RASAL2: variants seen among roughly 807,000 people sequenced by gnomAD.
RASAL2 encodes RAS protein activator like 2, also known as ras GTPase-activating protein nGAP.
A neutral mutation model predicts 128.9 loss-of-function variants in RASAL2; 58 were observed. The ratio of observed to expected loss-of-function variants is 0.45; its 90% confidence interval spans 0.36 to 0.56. The LOEUF (loss-of-function observed/expected upper bound fraction) is 0.56. Ranked by LOEUF, RASAL2 falls within the 20% of genes least tolerant of loss-of-function variation. The probability of loss-of-function intolerance (pLI) is 0.00; values close to 1 mark genes in which losing one functional copy is unlikely to be tolerated. For missense variants in RASAL2, 1,360 were observed against 1,601.6 expected, an observed-to-expected ratio of 0.85 and a Z score of 2.57; for synonymous variants, 561 against 580.8, an observed-to-expected ratio of 0.97 and a Z score of 0.49.
chr1:178,234,734 T>C (rs1376602536), intron 1 of RASAL2, among the ~76,000 whole-genome samples: 1 of 152,176 alleles, frequency 6.6e-6, no homozygotes, highest in Non-Finnish European at 1.5e-5. Context: ...GAGAAGCTCT[T>C]ACCATTAAGA....
intron 1 of RASAL2, among the ~76,000 whole-genome samples, chr1:178,155,970 A>G (rs1661071377): frequency 6.6e-6 from 1 of 152,162 alleles, no homozygotes; most frequent in Admixed American, 6.5e-5. Context: ...TCTTCCCCCG[A>G]CAACCCCAAA....
At chr1:178,367,821 C>G (rs1027860946) in intron 3 of RASAL2, among the ~76,000 whole-genome samples, 3 of 151,974 alleles carry the variant, frequency 2.0e-5, no homozygotes, top group Non-Finnish European at 4.4e-5. Flanking sequence ...GTTATTTGAC[C>G]CAGGCAGATA....
At chr1:178,437,648 C>G (rs1676339963) in intron 5 of RASAL2, among the ~76,000 whole-genome samples, 1 of 152,070 alleles carries the variant, frequency 6.6e-6, no homozygotes, top group Non-Finnish European at 1.5e-5. Context: ...GCAACTCCTC[C>G]TGGGAAAAAT....
Position 178,414,308 on chromosome 1 carries a change from G to C in RASAL2, c.565-6203G>C, listed in dbSNP as rs563223751. On this transcript the variant is annotated intron_variant, in intron 4 of 17. Coordinates refer to ENST00000367649, the MANE Select transcript of RASAL2 (RefSeq NM_170692.4). ...TTTGCCAGGGGTTGGAGTGTGGGAG[G>C]TACTGAGGGATGAATAGGCAGAGCA... 3.3e-5 allele frequency among the ~76,000 whole-genome samples: 5 copies of C among 152,262 alleles called. No individual in the cohort carries two copies. In the East Asian group the frequency reaches 9.6e-4, roughly 29 times the overall value.
intron 1 of RASAL2, among the ~76,000 whole-genome samples, chr1:178,186,060 T>G (rs913176988): frequency 6.6e-6 from 1 of 152,136 alleles, no homozygotes; most frequent in African/African-American, 2.4e-5. Context: ...ATATCATTAA[T>G]AAATATAGAG....
intron 5 of RASAL2, among the ~76,000 whole-genome samples, chr1:178,429,446 C>T (rs1675742407): frequency 6.6e-6 from 1 of 152,126 alleles, no homozygotes; most frequent in Admixed American, 6.6e-5. Flanking sequence ...TTCCCATTCT[C>T]CATTCTCTGA....
chr1:178,447,673 T>TA (rs60358768), intron 9 of RASAL2, among the ~76,000 whole-genome samples: 566 of 56,012 alleles, frequency 0.01, 47 homozygotes, highest in East Asian at 0.023. Context: ...CTCCTTCTCT[T>TA]AAAAAAAAAA....
intron 1 of RASAL2, among the ~76,000 whole-genome samples, chr1:178,256,864 G>C (rs1665373025): frequency 1.3e-5 from 2 of 151,988 alleles, no homozygotes; most frequent in Non-Finnish European, 2.9e-5. Context: ...AGTAGAGATG[G>C]GGTTTCACCG....
intron 1 of RASAL2, among the ~76,000 whole-genome samples, chr1:178,112,475 G>A (rs1182441952): frequency 4.0e-5 from 6 of 151,866 alleles, no homozygotes; most frequent in Non-Finnish European, 7.4e-5. Context: ...GCTTGAACCC[G>A]GGAGGTGGAG....
chr1:178,288,642 CTTTTTTTTTT>C lies in RASAL2; in HGVS notation c.330+4968_330+4977del, dbSNP rs60150701. Among the ~76,000 whole-genome samples, 18 of 97,304 alleles carry C rather than the reference CTTTTTTTTTT, an allele frequency of 1.8e-4. 1 individual carries two copies. The South Asian group carries it at 3.4e-3, about 18-fold the overall frequency. 63.8% of individuals were successfully genotyped at this position (97,304 alleles called of 152,430 possible). On this transcript the variant is annotated intron_variant, in intron 2 of 17. Coordinates refer to ENST00000367649, the MANE Select transcript of RASAL2 (RefSeq NM_170692.4). ...CATCAGCATGCTATTCTTTCTCTCTCTTTTTTTTTTTTTTTTTTTTTTTTTTGAGACAGAC... is the reference window on the plus strand; with the variant it reads ...CATCAGCATGCTATTCTTTCTCTCTCTTTTTTTTTTTTTTTTGAGACAGAC...
chr1:178,423,518 T>C (rs12691481), intron 5 of RASAL2, among the ~76,000 whole-genome samples: 34,305 of 152,070 alleles, frequency 0.23, 6,774 homozygotes, highest in African/African-American at 0.54. Flanking sequence ...ATTTAATCAT[T>C]ACAACCACCC....
chr1:178,397,447 G>A (rs1482614076), intron 4 of RASAL2, among the ~76,000 whole-genome samples: 1 of 152,180 alleles, frequency 6.6e-6, no homozygotes, highest in Non-Finnish European at 1.5e-5. Flanking sequence ...CCAAAAAAGA[G>A]ATTAGTGTTT....
At chr1:178,283,820 C>A in intron 2 of RASAL2, 129 bp downstream of exon 2, 1 of 1,101,714 alleles carries the variant, frequency 9.1e-7, no homozygotes, top group Non-Finnish European at 1.3e-6. Flanking sequence ...ATAGGTAAGT[C>A]TAAAAGGCTG....
intron 1 of RASAL2, among the ~76,000 whole-genome samples, chr1:178,239,628 G>C (rs1664403576): frequency 6.6e-6 from 1 of 151,956 alleles, no homozygotes; most frequent in Non-Finnish European, 1.5e-5. Flanking sequence ...AACATTTTTA[G>C]TTCAAAGTGG....
At chr1:178,314,702 A>G (rs1401302816) in intron 3 of RASAL2, among the ~76,000 whole-genome samples, 1 of 152,128 alleles carries the variant, frequency 6.6e-6, no homozygotes, top group Non-Finnish European at 1.5e-5. Context: ...CTTGTTCAAT[A>G]CTAGTTGTAA....
chr1:178,217,746 C>T (rs10798601), intron 1 of RASAL2, among the ~76,000 whole-genome samples: 41,885 of 152,084 alleles, frequency 0.28, 6,840 homozygotes, highest in African/African-American at 0.46. Context: ...TGCCTCAATA[C>T]TGATGACTGC....
intron 3 of RASAL2, among the ~76,000 whole-genome samples, chr1:178,314,586 TCTTTTTCCCC>T (rs145774102): frequency 0.047 from 7,127 of 152,214 alleles, 554 homozygotes; most frequent in African/African-American, 0.16. Context: ...TTTCTTTATC[TCTTTTTCCCC>T]CAAAATATTG....
In RASAL2 at chr1:178,442,907, A is replaced by G. The variant is rs1451943548; in HGVS notation, c.1160A>G (p.Lys387Arg). The G allele has an allele frequency of 6.2e-7, 1 of 1,613,844 alleles. No individual in the cohort carries two copies. Among genetic ancestry groups the G allele is most frequent in the Admixed American group, 1.7e-5 (1 of 59,922 alleles). Residue 387 changes from lysine to arginine, a missense_variant, in exon 8 of 18, where the codon AAA becomes AGA. This residue lies in a region of RASAL2 where 617 missense variants were observed against 714.2 expected (regional missense o/e 0.86). Coordinates refer to ENST00000367649, the MANE Select transcript of RASAL2 (RefSeq NM_170692.4). ...ATTTACAAGGATGTGGAAAAAAAGA[A>G]AAAAAAGGACAAGAATAATTATGTA... ...VHIYKDVEKK[K>R]KKDKNNYVGL...
intron 1 of RASAL2, among the ~76,000 whole-genome samples, chr1:178,133,537 G>A (rs1660200341): frequency 6.6e-6 from 1 of 150,924 alleles, no homozygotes; most frequent in African/African-American, 2.4e-5. Flanking sequence ...GTTGGGGAAT[G>A]TGTGGTGGCA....
Sources: gnomAD v4.1 joint callset for allele counts (sites outside exome capture counted in the v4.1 genomes callset) on GRCh38, gnomAD v4.1.1 for gene constraint, gnomAD v4.1.1 regional missense constraint, MANE v1.5 for transcripts, NCBI Gene and HGNC (gene_info 2026-07-23, HGNC 2026-07-21) for gene names.